Variants in RGS6 observed in about 807,000 individuals in gnomAD.
RGS6 encodes regulator of G-protein signaling 6.
Under a neutral mutation model 78.5 loss-of-function variants are expected in RGS6, and 30 were observed. The observed-to-expected ratio is 0.38, with a 90% CI of 0.29 to 0.52. The LOEUF (loss-of-function observed/expected upper bound fraction) is 0.52, where lower values mean the gene tolerates loss of function less well. Ranked by LOEUF, RGS6 falls within the 20% of genes least tolerant of loss-of-function variation. RGS6 has a pLI of 0.85. For missense variants in RGS6, 495 were observed against 609.7 expected, an observed-to-expected ratio of 0.81 and a Z score of 1.98; for synonymous variants, 206 against 206.0, an observed-to-expected ratio of 1.00 and a Z score of 0.00.
chr14:71,954,260 C>A (rs992879161), intron 1 of RGS6, among the ~76,000 whole-genome samples: 1 of 146,840 alleles, frequency 6.8e-6, no homozygotes, highest in Middle Eastern at 3.5e-3. Flanking sequence ...TCTAATATTT[C>A]TTCTCCTTTC....
intron 2 of RGS6, among the ~76,000 whole-genome samples, chr14:72,265,222 G>A (rs940332307): frequency 6.6e-6 from 1 of 152,146 alleles, no homozygotes; most frequent in Non-Finnish European, 1.5e-5. Flanking sequence ...GTGGGGTGTG[G>A]TGGGCATGGT....
intron 2 of RGS6, among the ~76,000 whole-genome samples, chr14:72,088,445 G>C (rs2095139141): frequency 6.6e-6 from 1 of 152,102 alleles, no homozygotes; most frequent in Non-Finnish European, 1.5e-5. Context: ...TAATACTTCT[G>C]CTCTTCTTGG....
At chr14:72,470,598 CT>C in intron 8 of RGS6, among the ~76,000 whole-genome samples, 1 of 152,318 alleles carries the variant, frequency 6.6e-6, no homozygotes, top group South Asian at 2.1e-4. Flanking sequence ...AAGAGTAAGG[CT>C]GGGCATGGTG....
At chr14:72,126,240 G>A (rs954782913) in intron 2 of RGS6, among the ~76,000 whole-genome samples, 2 of 152,188 alleles carry the variant, frequency 1.3e-5, no homozygotes, top group African/African-American at 4.8e-5. Flanking sequence ...AGAAATCTGC[G>A]GGAAGTTTGC....
chr14:71,961,149 C>T (rs2093166251), intron 1 of RGS6, among the ~76,000 whole-genome samples: 1 of 152,102 alleles, frequency 6.6e-6, no homozygotes, highest in Non-Finnish European at 1.5e-5. Context: ...TGCTCCACCG[C>T]AGTGGTTTTG....
chr14:72,515,680 T>C (rs951366144), intron 14 of RGS6: 1 of 152,258 alleles, frequency 6.6e-6, no homozygotes, highest in Admixed American at 6.5e-5. Flanking sequence ...AAATTGATTA[T>C]GAAATTTGTA....
In RGS6 at chr14:72,143,343, A is replaced by G. The variant is rs574365713; in HGVS notation, c.84+178468A>G. ...AGCCAAGATTGCACCACTGCACTCC[A>G]GCCTGGGCAACAGAGTGAGACTCCA... On this transcript the variant is annotated intron_variant, in intron 2 of 17. Coordinates refer to ENST00000553525, the MANE Select transcript of RGS6 (RefSeq NM_001204424.2). 2.6e-5 allele frequency among the ~76,000 whole-genome samples: 4 copies of G among 152,296 alleles called. No homozygotes were observed. In the South Asian group the frequency reaches 8.3e-4, roughly 32 times the overall value.
chr14:72,059,115 G>A (rs938902402), intron 2 of RGS6, among the ~76,000 whole-genome samples: 1 of 152,114 alleles, frequency 6.6e-6, no homozygotes, highest in Non-Finnish European at 1.5e-5. Flanking sequence ...AGCTAGGCTG[G>A]TCTTGAACTC....
intron 2 of RGS6, among the ~76,000 whole-genome samples, chr14:71,981,514 C>G (rs183649478): frequency 5.3e-5 from 8 of 151,452 alleles, no homozygotes; most frequent in African/African-American, 1.5e-4. Flanking sequence ...TTGGAATACC[C>G]GGCCGTGTGA....
chr14:72,095,096 G>A (rs2095371236), intron 2 of RGS6, among the ~76,000 whole-genome samples: 1 of 152,034 alleles, frequency 6.6e-6, no homozygotes, highest in South Asian at 2.1e-4. Flanking sequence ...CTAAATGAGT[G>A]GTTGAAAATG....
In RGS6 at chr14:72,155,462, C is replaced by T. The variant is rs150570024; in HGVS notation, c.84+190587C>T. 3.9e-3 allele frequency among the ~76,000 whole-genome samples: 596 copies of T among 152,264 alleles called. 1 individual carries two copies. The highest frequency in any genetic ancestry group is 0.014 in the African/African-American group (571 of 41,544). On this transcript the variant is annotated intron_variant, in intron 2 of 17. Coordinates refer to ENST00000553525, the MANE Select transcript of RGS6 (RefSeq NM_001204424.2). ...GATATGACTTCCAGAACTAACCACC[C>T]ACAATGCAGATTAGTAATATCATAC...
intron 13 of RGS6, among the ~76,000 whole-genome samples, chr14:72,497,498 C>G (rs1238707230): frequency 1.3e-5 from 2 of 152,038 alleles, no homozygotes; most frequent in Non-Finnish European, 2.9e-5. Flanking sequence ...CTGACTTTTA[C>G]TTTATTAATG....
intron 2 of RGS6, among the ~76,000 whole-genome samples, chr14:72,252,233 T>A (rs528707979): frequency 8.1e-6 from 1 of 123,120 alleles, no homozygotes; most frequent in East Asian, 2.4e-4. Context: ...GTCAAATGTA[T>A]GTGTGGGCTT....
At chr14:71,914,206 AGAC>A in the RGS6 span, among the ~76,000 whole-genome samples, 36 of 152,210 alleles carry the variant, frequency 2.4e-4, no homozygotes, top group African/African-American at 8.4e-4. Context: ...TACCCTAACA[AGAC>A]GATGTCCAGT....
intron 3 of RGS6, among the ~76,000 whole-genome samples, chr14:72,445,181 C>CTGTTTTGTTT (rs891013761): frequency 2.0e-5 from 3 of 152,184 alleles, no homozygotes; most frequent in Non-Finnish European, 4.4e-5. Flanking sequence ...TGAGATTTCT[C>CTGTTTTGTTT]TGTTTTGTTT....
At chr14:71,885,169 G>T in the RGS6 span, among the ~76,000 whole-genome samples, 1 of 151,966 alleles carries the variant, frequency 6.6e-6, no homozygotes, top group Non-Finnish European at 1.5e-5. Flanking sequence ...AGAGACAAGG[G>T]TATTTAAATT....
chr14:71,903,932 C>G, the RGS6 span, among the ~76,000 whole-genome samples: 216 of 152,310 alleles, frequency 1.4e-3, no homozygotes, highest in Admixed American at 3.1e-3. Flanking sequence ...AACACAGTCT[C>G]TGCCCTCTTG....
chr14:71,908,554 G>A, the RGS6 span: 1 of 150,710 alleles, frequency 6.6e-6, no homozygotes, highest in South Asian at 2.1e-4. Context: ...TATTCAGTAA[G>A]TTGAAAGTGT....
chr14:72,546,116 G>A (rs1370323043), intron 17 of RGS6, among the ~76,000 whole-genome samples: 1 of 152,232 alleles, frequency 6.6e-6, no homozygotes, highest in African/African-American at 2.4e-5. Flanking sequence ...GGGCCAGCTT[G>A]TTGCTGTCCT....
Sources: allele counts gnomAD v4.1 joint callset (sites outside exome capture counted in the v4.1 genomes callset), GRCh38; gene constraint gnomAD v4.1.1; transcripts MANE v1.5; gene names NCBI Gene and HGNC (gene_info 2026-07-23, HGNC 2026-07-21).